MYO9A: variants seen among roughly 807,000 people sequenced by gnomAD.
MYO9A encodes the protein unconventional myosin-IXa.
Under a neutral mutation model 293.3 loss-of-function variants are expected in MYO9A, and 103 were observed. That is an observed-to-expected ratio of 0.35 (90% CI 0.30 to 0.41). MYO9A has a LOEUF of 0.41. MYO9A is among the 10% of genes least tolerant of loss of function. The pLI is 1.00. For missense variants in MYO9A, 2,685 were observed against 3,033.0 expected, an observed-to-expected ratio of 0.89 and a Z score of 2.69; for synonymous variants, 1,001 against 1,035.7, an observed-to-expected ratio of 0.97 and a Z score of 0.64.
At chr15:72,072,260 C>G (rs1254669869) in intron 1 of MYO9A, among the ~76,000 whole-genome samples, 2 of 151,502 alleles carry the variant, frequency 1.3e-5, no homozygotes, top group Non-Finnish European at 1.5e-5. Flanking sequence ...GCCTCCAGAG[C>G]AGCTGGGACT....
intron 1 of MYO9A, 51 bp downstream of exon 1, chr15:72,117,629 A>G: frequency 2.5e-6 from 1 of 394,646 alleles, no homozygotes. Context: ...CGAGGCTGAG[A>G]CGTGGGCCAG....
rs2056816140 is a variant in MYO9A at position 71,879,750 on chromosome 15, T to C, written c.5710A>G (p.Ile1904Val). Residue 1904 changes from isoleucine (I) to valine (V), a missense_variant, in exon 30 of 42, where the codon ATC becomes GTC. Transcript: ENST00000356056. ...KKALKEFRQNIFSFYSSALAM... is the reference protein window; with the variant it reads ...KKALKEFRQNVFSFYSSALAM... ...AATGCAGATGAATAAAAGCTGAAGA[T>C]ATTCTGCCGAAATTCCTTCAGGGCT... 1 of 1,612,942 alleles carries C rather than the reference T, an allele frequency of 6.2e-7. No homozygotes were observed. The highest frequency in any genetic ancestry group is 8.5e-7 in the Non-Finnish European group (1 of 1,179,182).
intron 1 of MYO9A, among the ~76,000 whole-genome samples, chr15:72,053,946 C>G (rs369169678): frequency 3.9e-5 from 6 of 152,108 alleles, no homozygotes; most frequent in East Asian, 3.9e-4. Context: ...AGTTTTAAAG[C>G]TAAATACAAC....
chr15:71,949,189 T>A (rs938123840), intron 15 of MYO9A, among the ~76,000 whole-genome samples: 1 of 152,136 alleles, frequency 6.6e-6, no homozygotes, highest in African/African-American at 2.4e-5. Context: ...CTGATCTTCC[T>A]GGATCTGTAA....
intron 34 of MYO9A, among the ~76,000 whole-genome samples, chr15:71,855,336 A>G (rs918107216): frequency 1.4e-4 from 21 of 152,218 alleles, no homozygotes; most frequent in Admixed American, 5.2e-4. Flanking sequence ...GAGTTTCATC[A>G]TGTTGGCCAG....
chr15:71,971,127 C>CTCCA (rs2075999235), intron 12 of MYO9A, among the ~76,000 whole-genome samples: 2 of 151,218 alleles, frequency 1.3e-5, no homozygotes, highest in South Asian at 4.2e-4. Flanking sequence ...TGCCGCTGCA[C>CTCCA]TCCAGCCTGG....
At chr15:71,987,272 C>T (rs2076430200) in intron 11 of MYO9A, among the ~76,000 whole-genome samples, 1 of 152,182 alleles carries the variant, frequency 6.6e-6, no homozygotes, top group African/African-American at 2.4e-5. Flanking sequence ...CATTAAGTGA[C>T]ACATGACAGT....
At chr15:72,086,843 C>A (rs1279843534) in intron 1 of MYO9A, among the ~76,000 whole-genome samples, 2 of 152,096 alleles carry the variant, frequency 1.3e-5, no homozygotes, top group African/African-American at 4.8e-5. Context: ...TCTCAGCTCA[C>A]CACAACCTCC....
At chr15:71,911,279 T>G (rs1166251843) in intron 19 of MYO9A, among the ~76,000 whole-genome samples, 1 of 152,218 alleles carries the variant, frequency 6.6e-6, no homozygotes, top group Non-Finnish European at 1.5e-5. Flanking sequence ...GACTAAATTC[T>G]TAGAGCTATA....
chr15:72,070,259 T>C (rs1261286025), intron 1 of MYO9A, among the ~76,000 whole-genome samples: 1 of 149,930 alleles, frequency 6.7e-6, no homozygotes, highest in East Asian at 2.0e-4. Context: ...CTGGCCAACA[T>C]GGTGAAACCC....
In MYO9A at chr15:71,826,344, T is replaced by C. The variant is rs1048367321; in HGVS notation, c.*236A>G. 1.4e-5 allele frequency: 7 copies of C among 488,466 alleles called. No individual in the cohort carries two copies. In the South Asian group the frequency reaches 1.4e-4, roughly 10 times the overall value. 30.3% of individuals were successfully genotyped at this position (488,466 alleles called of 1,614,324 possible). On this transcript the variant is annotated 3_prime_UTR_variant, in exon 42 of 42. Coordinates refer to ENST00000356056, the MANE Select transcript of MYO9A (RefSeq NM_006901.4). ...TCCCCAGGCCCTAGGTGGCTTTGTA[T>C]AGTAAAAATCTCAATTCAAATACAA...
chr15:71,920,387 G>A (rs561132062), intron 18 of MYO9A, among the ~76,000 whole-genome samples: 2 of 152,188 alleles, frequency 1.3e-5, no homozygotes, highest in East Asian at 3.9e-4. Flanking sequence ...GGGGCCCTTG[G>A]GAAGTAGCTG....
intron 1 of MYO9A, among the ~76,000 whole-genome samples, chr15:72,080,196 A>AATG (rs1356747510): frequency 6.6e-6 from 1 of 152,172 alleles, no homozygotes; most frequent in Non-Finnish European, 1.5e-5. Context: ...TGTAATACAG[A>AATG]ATGCAACAGT....
intron 15 of MYO9A, among the ~76,000 whole-genome samples, chr15:71,939,913 T>C (rs574942484): frequency 6.6e-6 from 1 of 152,308 alleles, no homozygotes; most frequent in African/African-American, 2.4e-5. Context: ...AAACGAGTTC[T>C]GCAAAACTAC....
intron 1 of MYO9A, among the ~76,000 whole-genome samples, chr15:72,101,187 T>A (rs1380545251): frequency 8.9e-6 from 1 of 112,954 alleles, no homozygotes; most frequent in African/African-American, 3.5e-5. Context: ...TGGCCGCCCC[T>A]ACTGGGAAGT....
chr15:71,994,345 A>T (rs1202407373), intron 10 of MYO9A, 124 bp downstream of exon 10: 1 of 552,014 alleles, frequency 1.8e-6, no homozygotes, highest in African/African-American at 1.9e-5. Context: ...GGTAATAAAT[A>T]ACAAATAAAA....
chr15:71,861,679 TAAAAAAAA>T (rs66598621), intron 33 of MYO9A, among the ~76,000 whole-genome samples: 854 of 82,916 alleles, frequency 0.01, 40 homozygotes, highest in Admixed American at 0.092. Context: ...ACTGATGATA[TAAAAAAAA>T]AAAAAAAAAA....
rs181086197 is a variant in MYO9A, at chr15:71,953,819, G to A, written c.2183-1923C>T. ...CCTGCCAAGGTAGTTTGGTTTCCCA[G>A]GATGGTTTATATTTTCAGTGGGGAT... On this transcript the variant is annotated intron_variant, in intron 14 of 41. Transcript: ENST00000356056. The A allele has an allele frequency of 3.9e-5, 6 of 152,296 alleles. No individual in the cohort carries two copies. In the East Asian group the frequency reaches 1.2e-3, roughly 29 times the overall value. 9.4% of individuals were successfully genotyped at this position (152,296 alleles called of 1,614,324 possible).
At chr15:71,875,986 A>T (rs1215976705) in intron 31 of MYO9A, 148 bp from the exon 32 acceptor site, 1 of 413,488 alleles carries the variant, frequency 2.4e-6, no homozygotes. Flanking sequence ...AGTGCTAATA[A>T]GCAAATGTGA....
Sources: gnomAD v4.1 joint callset for allele counts (sites outside exome capture counted in the v4.1 genomes callset) on GRCh38, gnomAD v4.1.1 for gene constraint, MANE v1.5 for transcripts, NCBI Gene and HGNC (gene_info 2026-07-23, HGNC 2026-07-21) for gene names.